The following TULP4 variants were observed in gnomAD, a reference collection of about 807,000 sequenced individuals.
The protein encoded by TULP4 is tubby-related protein 4.
Under a neutral mutation model 129.0 loss-of-function variants are expected in TULP4, and 16 were observed. That is an observed-to-expected ratio of 0.12 (90% CI 0.08 to 0.19). The LOEUF (loss-of-function observed/expected upper bound fraction) is 0.19, where lower values mean the gene tolerates loss of function less well. Among genes scored for constraint, TULP4 ranks in the 10% least tolerant of loss-of-function variants. The pLI is 1.00. For missense variants in TULP4, 1,842 were observed against 2,059.1 expected, an observed-to-expected ratio of 0.89 and a Z score of 2.04; for synonymous variants, 998 against 854.0, an observed-to-expected ratio of 1.17 and a Z score of -2.94.
Position 158,313,474 on chromosome 6 carries a change from G to C in TULP4, c.-543G>C. 5.0e-6 allele frequency: 2 copies of C among 400,198 alleles called. No individual in the cohort carries two copies. Among genetic ancestry groups the C allele is most frequent in the Non-Finnish European group, 8.8e-6 (2 of 227,228 alleles). 24.8% of individuals were successfully genotyped at this position (400,198 alleles called of 1,614,324 possible). ...TCTAGTTCAGGAAACATGCTAGAGG[G>C]TGGCTTCAGAAGGAAGATGATCCTG... On this transcript the variant is annotated 5_prime_UTR_variant, in exon 1 of 14. Coordinates refer to ENST00000367097, the MANE Select transcript of TULP4 (RefSeq NM_020245.5).
At chr6:158,332,186 AAAAAAAAAAAAAAAATATATATAT>A (rs1472383780) in intron 1 of TULP4, among the ~76,000 whole-genome samples, 1 of 15,248 alleles carries the variant, frequency 6.6e-5, no homozygotes, top group African/African-American at 2.5e-4. Context: ...AAAAAAAAAA[AAAAAAAAAAAAAAAATATATATAT>A]ATATATATAT....
chr6:158,277,016 T>C (rs1778660590), intron 1 of TULP4, among the ~76,000 whole-genome samples: 1 of 152,178 alleles, frequency 6.6e-6, no homozygotes, highest in Non-Finnish European at 1.5e-5. Context: ...CATGGCTCAC[T>C]GCAGCCTCAA....
chr6:158,319,989 C>CA (rs1213381262), intron 1 of TULP4, among the ~76,000 whole-genome samples: 3 of 152,198 alleles, frequency 2.0e-5, no homozygotes, highest in African/African-American at 7.2e-5. Context: ...ACCACTACCA[C>CA]AAAAAATGAA....
chr6:158,307,045 A>T (rs1295269838), intron 1 of TULP4, among the ~76,000 whole-genome samples: 1 of 152,200 alleles, frequency 6.6e-6, no homozygotes, highest in African/African-American at 2.4e-5. Context: ...AAACTGATAA[A>T]AAATATTCCC....
chr6:158,350,981 T>C (rs940884619), intron 1 of TULP4, among the ~76,000 whole-genome samples: 2 of 152,112 alleles, frequency 1.3e-5, no homozygotes, highest in African/African-American at 4.8e-5. Flanking sequence ...CTTGAACTCC[T>C]GACCTCAGGC....
At chr6:158,345,939 C>T (rs1780295966) in intron 1 of TULP4, among the ~76,000 whole-genome samples, 1 of 152,114 alleles carries the variant, frequency 6.6e-6, no homozygotes, top group East Asian at 1.9e-4. Flanking sequence ...CCCAGGAATG[C>T]AATCCTTTTC....
intron 3 of TULP4, chr6:158,437,956 TGAG>T (rs1778788980): frequency 6.6e-6 from 1 of 152,176 alleles, no homozygotes; most frequent in East Asian, 1.9e-4. Flanking sequence ...GATTGTCTAA[TGAG>T]GGGTGAACCG....
At chr6:158,340,576 A>G (rs1583768964) in intron 1 of TULP4, among the ~76,000 whole-genome samples, 1 of 152,186 alleles carries the variant, frequency 6.6e-6, no homozygotes, top group East Asian at 1.9e-4. Flanking sequence ...GGGTCTTCTG[A>G]GAACATGTTC....
chr6:158,388,116 T>TA (rs756166387), intron 1 of TULP4, among the ~76,000 whole-genome samples: 4 of 152,170 alleles, frequency 2.6e-5, no homozygotes, highest in Non-Finnish European at 5.9e-5. Flanking sequence ...TTCAAGTATC[T>TA]AAAATGGTTT....
intron 1 of TULP4, among the ~76,000 whole-genome samples, chr6:158,270,355 ACT>A (rs1343120179): frequency 1.3e-5 from 2 of 151,618 alleles, no homozygotes; most frequent in Non-Finnish European, 2.9e-5. Context: ...GATTCTCTCA[ACT>A]CTGCTCCACA....
intron 1 of TULP4, among the ~76,000 whole-genome samples, chr6:158,362,279 G>A (rs891840054): frequency 1.3e-5 from 2 of 152,132 alleles, no homozygotes; most frequent in Non-Finnish European, 2.9e-5. Context: ...TGATACTGTT[G>A]TAGTTACTGA....
chr6:158,501,542 C>T, intron 12 of TULP4, 136 bp from the exon 13 acceptor site: 2 of 870,234 alleles, frequency 2.3e-6, no homozygotes, highest in Non-Finnish European at 3.4e-6. Context: ...TTTCCCCAAG[C>T]AGACACGTCT....
chr6:158,447,438 T>C (rs1779076912), intron 3 of TULP4, among the ~76,000 whole-genome samples: 1 of 152,244 alleles, frequency 6.6e-6, no homozygotes, highest in African/African-American at 2.4e-5. Flanking sequence ...TATTCATTCA[T>C]TAAAATATAG....
At chr6:158,260,988 T>C (rs1778342791) in intron 1 of TULP4, among the ~76,000 whole-genome samples, 1 of 151,768 alleles carries the variant, frequency 6.6e-6, no homozygotes, top group African/African-American at 2.4e-5. Flanking sequence ...GACCGGCTAA[T>C]TTTTTGTATT....
chr6:158,240,533 C>T (rs1777865493), intron 1 of TULP4, among the ~76,000 whole-genome samples: 1 of 96,118 alleles, frequency 1.0e-5, no homozygotes, highest in Non-Finnish European at 2.4e-5. Flanking sequence ...GACCCCCCCA[C>T]CTCCCTCCCG....
chr6:158,245,468 G>A (rs1778011166), intron 1 of TULP4, among the ~76,000 whole-genome samples: 1 of 152,114 alleles, frequency 6.6e-6, no homozygotes, highest in Non-Finnish European at 1.5e-5. Context: ...TGGTGCAGAT[G>A]AAGGGAGGTA....
chr6:158,383,203 A>T (rs1583819906), intron 1 of TULP4, among the ~76,000 whole-genome samples: 1 of 152,140 alleles, frequency 6.6e-6, no homozygotes, highest in African/African-American at 2.4e-5. Context: ...TTGACTTCAG[A>T]CTGGGGTGCT....
At chr6:158,372,477 TA>T (rs1416627117) in intron 1 of TULP4, among the ~76,000 whole-genome samples, 6 of 152,174 alleles carry the variant, frequency 3.9e-5, no homozygotes, top group African/African-American at 7.2e-5. Flanking sequence ...AGTGCTTTCC[TA>T]AAAGTGCAGT....
intron 2 of TULP4, among the ~76,000 whole-genome samples, chr6:158,426,666 T>C (rs1778501755): frequency 6.6e-6 from 1 of 152,216 alleles, no homozygotes; most frequent in Non-Finnish European, 1.5e-5. Context: ...GCCTCCAGCT[T>C]TGTTCTTTTT....
Sources: allele counts gnomAD v4.1 joint callset (sites outside exome capture counted in the v4.1 genomes callset), GRCh38; gene constraint gnomAD v4.1.1; transcripts MANE v1.5; gene names NCBI Gene and HGNC (gene_info 2026-07-23, HGNC 2026-07-21).